The following ITIH3 variants were observed in gnomAD, a reference collection of about 807,000 sequenced individuals.
ITIH3 encodes the protein inter-alpha-trypsin inhibitor heavy chain H3.
ITIH3 carries 81 observed loss-of-function variants against 96.5 expected under a neutral mutation model. That is an observed-to-expected ratio of 0.84 (90% CI 0.70 to 1.01). ITIH3 has a LOEUF of 1.01. ITIH3 is among the 50% of genes least tolerant of loss of function. ITIH3 has a pLI of 0.00. For synonymous variants in ITIH3, 422 were observed against 445.2 expected, an observed-to-expected ratio of 0.95 and a Z score of 0.66; for missense variants, 1,057 against 1,139.3, an observed-to-expected ratio of 0.93 and a Z score of 1.04.
intron 7 of ITIH3, 121 bp from the exon 8 acceptor site, chr3:52,799,251 A>C: frequency 8.6e-7 from 1 of 1,164,040 alleles, no homozygotes; most frequent in Non-Finnish European, 1.2e-6. Flanking sequence ...AGCACCCCCT[A>C]GAGGGTGGGA....
intron 15 of ITIH3, 21 bp downstream of exon 15, chr3:52,804,755 C>A (rs370269729): frequency 1.5e-5 from 24 of 1,586,266 alleles, no homozygotes; most frequent in Non-Finnish European, 1.1e-5. Flanking sequence ...AGCCAGCCAC[C>A]GGGTTGGGCA....
chr3:52,804,513 A>G, intron 14 of ITIH3: 1 of 575,804 alleles, frequency 1.7e-6, no homozygotes, highest in Non-Finnish European at 3.2e-6. Flanking sequence ...TGGCATTGGG[A>G]GACATGGGAG....
intron 15 of ITIH3, chr3:52,805,597 T>TA: frequency 7.2e-7 from 1 of 1,381,786 alleles, no homozygotes; most frequent in Non-Finnish European, 9.4e-7. Context: ...GCGCCAACGT[T>TA]AAAATCACAT....
chr3:52,802,129 C>G (rs956239423), intron 11 of ITIH3: 8 of 507,208 alleles, frequency 1.6e-5, no homozygotes, highest in Non-Finnish European at 2.4e-5. Context: ...CTGAAACTGT[C>G]CTTTCTAGTC....
chr3:52,806,511 A>G (rs1337755554), intron 18 of ITIH3, 105 bp downstream of exon 18: 2 of 837,722 alleles, frequency 2.4e-6, no homozygotes, highest in South Asian at 1.8e-5. Context: ...CCAGTAAGGC[A>G]TCATCTTCAC....
chr3:52,807,680 C>T (rs1296944180), intron 19 of ITIH3, 67 bp from the exon 20 acceptor site: 28 of 1,519,460 alleles, frequency 1.8e-5, no homozygotes, highest in Non-Finnish European at 2.2e-5. Flanking sequence ...ACCAAAACGC[C>T]CTTGAGTCAG....
chr3:52,804,013 G>T lies in ITIH3; in HGVS notation c.1864+4G>T, dbSNP rs573266308. The T allele has an allele frequency of 4.8e-5, 78 of 1,611,888 alleles. 1 individual carries two copies. The South Asian group carries it at 7.7e-4, about 16-fold the overall frequency. On this transcript the variant is annotated splice_donor_region_variant and intron_variant, in intron 14 of 21. Coordinates refer to ENST00000449956, the MANE Select transcript of ITIH3 (RefSeq NM_002217.4). ...ATTGCCGACAAGCCTGGGGAAGGTG[G>T]GGATAGGGATGGAGGCCGGAACCCG... is the stretch of plus-strand genomic sequence containing the variant.
intron 13 of ITIH3, 124 bp from the exon 14 acceptor site, chr3:52,803,731 C>A: frequency 9.1e-7 from 1 of 1,103,614 alleles, no homozygotes; most frequent in Non-Finnish European, 1.3e-6. Context: ...GGGCTGTACC[C>A]TGGGGGACCC....
chr3:52,802,302 G>A (rs4687655), intron 11 of ITIH3, 32 bp from the exon 12 acceptor site: 2 of 1,610,096 alleles, frequency 1.2e-6, no homozygotes, highest in Non-Finnish European at 1.7e-6. Flanking sequence ...CTGACCTGGG[G>A]CTTGAGATGA....
chr3:52,799,729 C>T, intron 8 of ITIH3, 24 bp from the exon 9 acceptor site: 1 of 1,597,458 alleles, frequency 6.3e-7, no homozygotes. Flanking sequence ...TGCGGCTTCT[C>T]CCAGCTCTTT....
intron 10 of ITIH3, 146 bp from the exon 11 acceptor site, chr3:52,800,819 A>G: frequency 6.9e-7 from 1 of 1,452,268 alleles, no homozygotes; most frequent in East Asian, 2.3e-5. Context: ...TCCCTCTGCC[A>G]GGGCTCTCCA....
intron 14 of ITIH3, 123 bp downstream of exon 14, chr3:52,804,132 G>A: frequency 9.3e-7 from 1 of 1,074,176 alleles, no homozygotes; most frequent in Non-Finnish European, 1.3e-6. Flanking sequence ...GGCATCTGAA[G>A]GAAAACTGGC....
intron 7 of ITIH3, 28 bp from the exon 8 acceptor site, chr3:52,799,344 G>A (rs1478239252): frequency 7.9e-6 from 12 of 1,516,236 alleles, no homozygotes; most frequent in Admixed American, 2.0e-5. Context: ...AAAGGACACC[G>A]GCCTCCGTCC....
At chr3:52,795,646 G>T in intron 2 of ITIH3, 23 bp downstream of exon 2, 1 of 1,609,878 alleles carries the variant, frequency 6.2e-7, no homozygotes, top group Non-Finnish European at 8.5e-7. Context: ...ACCAGGGGGT[G>T]GGACCGAGTG....
At chr3:52,804,389 C>G (rs981040232) in intron 14 of ITIH3, 2 of 434,798 alleles carry the variant, frequency 4.6e-6, no homozygotes, top group Non-Finnish European at 8.3e-6. Flanking sequence ...GGAAGAGTCC[C>G]TGAGAGCTGG....
chr3:52,806,432 G>A, intron 18 of ITIH3, 26 bp downstream of exon 18: 1 of 1,574,586 alleles, frequency 6.4e-7, no homozygotes. Context: ...TAGGGCCGGG[G>A]CCAGGGGGCT....
chr3:52,806,866 C>G, intron 18 of ITIH3, 35 bp from the exon 19 acceptor site: 1 of 1,537,514 alleles, frequency 6.5e-7, no homozygotes, highest in African/African-American at 1.4e-5. Context: ...CAGAAGTTCT[C>G]GCTGGTCTCT....
intron 11 of ITIH3, 40 bp from the exon 12 acceptor site, chr3:52,802,294 G>A (rs1177395284): frequency 4.4e-6 from 7 of 1,605,910 alleles, no homozygotes; most frequent in Non-Finnish European, 6.0e-6. Flanking sequence ...GTGGGAGCCT[G>A]ACCTGGGGCT....
intron 5 of ITIH3, 115 bp downstream of exon 5, chr3:52,797,382 T>A (rs1201950864): frequency 1.4e-5 from 16 of 1,108,952 alleles, no homozygotes; most frequent in East Asian, 7.8e-5. Flanking sequence ...GCATCCCCCA[T>A]CCTTGGCTGG....
Sources: allele counts gnomAD v4.1 joint callset, GRCh38; gene constraint gnomAD v4.1.1; transcripts MANE v1.5; gene names NCBI Gene and HGNC (gene_info 2026-07-23, HGNC 2026-07-21).